Variants in MBD6 observed in about 807,000 individuals in gnomAD.
MBD6 encodes the protein methyl-CpG binding domain protein 6, also known as methyl-CpG-binding domain protein 6.
MBD6 carries 22 observed loss-of-function variants against 66.8 expected under a neutral mutation model. The observed-to-expected ratio is 0.33, with a 90% CI of 0.24 to 0.47. The LOEUF (loss-of-function observed/expected upper bound fraction) is 0.47, where lower values mean the gene tolerates loss of function less well. Among genes scored for constraint, MBD6 ranks in the 20% least tolerant of loss-of-function variants. MBD6 has a pLI of 1.00. For synonymous variants in MBD6, 540 were observed against 534.6 expected, an observed-to-expected ratio of 1.01 and a Z score of -0.14; for missense variants, 1,322 against 1,286.9, an observed-to-expected ratio of 1.03 and a Z score of -0.42.
In MBD6 at chr12:57,527,992, T is replaced by A. The variant is rs1316949768; in HGVS notation, c.2381T>A (p.Leu794Gln). 1 of 1,550,176 alleles carries A rather than the reference T, an allele frequency of 6.5e-7. No individual in the cohort carries two copies. The highest frequency in any genetic ancestry group is 8.7e-7 in the Non-Finnish European group (1 of 1,153,238). ...PPPLSEASSP[L>Q]ACLLQSLQIP... Reference sequence around the variant, plus strand: ...CCCCTCTCAGAGGCTTCTAGTCCCCTAGCCTGCCTGCTACAGAGTCTCCAG... The same window carrying A: ...CCCCTCTCAGAGGCTTCTAGTCCCCAAGCCTGCCTGCTACAGAGTCTCCAG... The change falls in exon 9 of 13, where the codon CTA becomes CAA. Residue 794 changes from leucine to glutamine, a missense_variant. Coordinates refer to ENST00000355673, the MANE Select transcript of MBD6 (RefSeq NM_052897.4).
At position 57,527,637 on chromosome 12, in the gene MBD6, C is replaced by T. The variant is rs763391460; in HGVS notation, c.2213C>T (p.Pro738Leu). 9 of 1,606,112 alleles carry T rather than the reference C, an allele frequency of 5.6e-6. No individual in the cohort carries two copies. In the Admixed American group the frequency reaches 1.2e-4, roughly 21 times the overall value. The change falls in exon 8 of 13, where the codon CCT becomes CTT. Residue 738 changes from proline to leucine, a missense_variant. Transcript: ENST00000355673. ...NSGRPPQLLS[P>L]LLGASLLGDL... ...GGGAGACCCCCCCAACTCCTTAGCCCTCTGCTGGGTGCCAGCCTGCTGGGT... is the reference window on the plus strand; with the variant it reads ...GGGAGACCCCCCCAACTCCTTAGCCTTCTGCTGGGTGCCAGCCTGCTGGGT...
chr12:57,525,971 C>T lies in MBD6; in HGVS notation c.1003C>T (p.Leu335=), dbSNP rs760360202. The T allele has an allele frequency of 2.5e-6, 4 of 1,613,670 alleles. No individual in the cohort carries two copies. Among genetic ancestry groups the T allele is most frequent in the African/African-American group, 1.3e-5 (1 of 74,968 alleles). The part of the protein sequence containing the change: ...SAAAKAQHPP[L]PPPSTLQGRR... The stretch of plus-strand genomic sequence containing the variant: ...AGCGGCCAAGGCACAGCATCCCCCA[C>T]TACCCCCTCCCAGCACTTTACAGGG... The change falls in exon 6 of 13, where the codon CTA becomes TTA. Residue 335 remains leucine (L), a synonymous_variant. Coordinates refer to ENST00000355673, the MANE Select transcript of MBD6 (RefSeq NM_052897.4).
chr12:57,525,022 G>A lies in MBD6; in HGVS notation c.286G>A (p.Asp96Asn). The change falls in exon 5 of 13, where the codon GAC (aspartate) becomes AAC (asparagine). Residue 96 changes from aspartate (D) to asparagine (N), a missense_variant. Transcript: ENST00000355673. Reference protein sequence around the residue: ...GAGVGPASEEDMTKLCNHRRK... With the variant: ...GAGVGPASEENMTKLCNHRRK... ...TGGGGTGGGGCCAGCATCAGAGGAG[G>A]ACATGACCAAGCTGTGCAACCACCG... 1.2e-6 allele frequency: 2 copies of A among 1,613,304 alleles called. No homozygotes were observed. Among genetic ancestry groups the A allele is most frequent in the Non-Finnish European group, 1.7e-6 (2 of 1,179,680 alleles).
chr12:57,524,775 G>T lies in MBD6; in HGVS notation c.169G>T (p.Asp57Tyr), dbSNP rs1207934188. 4.3e-6 allele frequency: 7 copies of T among 1,614,242 alleles called. No homozygotes were observed. Among genetic ancestry groups the T allele is most frequent in the Non-Finnish European group, 5.1e-6 (6 of 1,180,050 alleles). ...GCAAACCCGGAGCTACCTCCTCAGC[G>T]ATGGGACCTGCAAGTGCGGTCTGGA... Reference protein sequence around the residue: ...LEQTRSYLLSDGTCKCGLECP... With the variant: ...LEQTRSYLLSYGTCKCGLECP... Residue 57 changes from aspartate to tyrosine, a missense_variant, in exon 4 of 13, where the codon GAT becomes TAT. By Grantham distance (160) the Asp-to-Tyr change is radical. Transcript: ENST00000355673.
chr12:57,522,503 G>A (rs1203368451), upstream of MBD6, among the ~76,000 whole-genome samples: 1 of 152,054 alleles, frequency 6.6e-6, no homozygotes, highest in African/African-American at 2.4e-5. Flanking sequence ...CCTCCCTGAG[G>A]AGGGCTGGGA....
Position 57,524,283 on chromosome 12 carries a change from C to T in MBD6, c.-21C>T, listed in dbSNP as rs1052843643. ...ACATGGATGTCTGTGTTATCAGGCA[C>T]GCGGGAGCTGATTACACACAATGAA... is the stretch of plus-strand genomic sequence containing the variant. On this transcript the variant is annotated 5_prime_UTR_variant, in exon 3 of 13. In the 5' UTR this introduces an upstream ATG that the reference lacks. Transcript: ENST00000355673. The T allele has an allele frequency of 3.3e-6, 5 of 1,517,896 alleles. No homozygotes were observed. The highest frequency in any genetic ancestry group is 3.5e-6 in the Non-Finnish European group (4 of 1,128,200). 94.0% of individuals were successfully genotyped at this position (1,517,896 alleles called of 1,614,324 possible).
At chr12:57,524,577 C>T in intron 3 of MBD6, 143 bp from the exon 4 acceptor site, 1 of 1,052,200 alleles carries the variant, frequency 9.5e-7, no homozygotes, top group South Asian at 1.3e-5. Context: ...GCCTTTGAAT[C>T]CATTCTCCCT....
chr12:57,530,463 C>T, downstream of MBD6: 3 of 474,206 alleles, frequency 6.3e-6, no homozygotes, highest in Non-Finnish European at 1.1e-5. Context: ...ACGTCCTTAT[C>T]CCCCAGGCCT....
At chr12:57,520,856 G>A (rs1878276915), upstream of MBD6, 1 of 169,292 alleles carries the variant, frequency 5.9e-6, no homozygotes, top group African/African-American at 2.4e-5. Context: ...GCACGCGCAG[G>A]GGACACCGAG....
upstream of MBD6, among the ~76,000 whole-genome samples, chr12:57,522,431 C>G (rs1461621736): frequency 1.3e-5 from 2 of 152,208 alleles, no homozygotes; most frequent in East Asian, 3.9e-4. Context: ...CTTTCGGGGC[C>G]TGGCCCCTCC....
In MBD6 at chr12:57,528,132, T is replaced by C. The variant is rs775679772; in HGVS notation, c.2407-15T>C. ...GTATTTGAGATTGACTGAGAACTTATTTTTTTGCCAGCAGATCCCTCCAGA... is the reference window on the plus strand; with the variant it reads ...GTATTTGAGATTGACTGAGAACTTACTTTTTTGCCAGCAGATCCCTCCAGA... On this transcript the variant is annotated splice_polypyrimidine_tract_variant and intron_variant, in intron 9 of 12. Coordinates refer to ENST00000355673, the MANE Select transcript of MBD6 (RefSeq NM_052897.4). The C allele has an allele frequency of 4.7e-5, 74 of 1,569,480 alleles. 1 individual carries two copies. The highest frequency in any genetic ancestry group is 4.1e-4 in the South Asian group (35 of 84,998).
At chr12:57,530,492 G>C (rs1879564913), downstream of MBD6, 1 of 507,328 alleles carries the variant, frequency 2.0e-6, no homozygotes, top group Non-Finnish European at 3.5e-6. Flanking sequence ...ACCACCTTCT[G>C]ATGATAACCA....
intron 3 of MBD6, 94 bp downstream of exon 3, chr12:57,524,510 G>A (rs947047759): frequency 1.6e-6 from 2 of 1,222,580 alleles, no homozygotes; most frequent in Non-Finnish European, 2.3e-6. Flanking sequence ...TCTGGTACCC[G>A]ATTGCTCTCC....
chr12:57,528,138 T>C lies in MBD6; in HGVS notation c.2407-9T>C, dbSNP rs760628831. 1.9e-6 allele frequency: 3 copies of C among 1,576,398 alleles called. No homozygotes were observed. The Admixed American group carries it at 6.2e-5, about 32-fold the overall frequency. On this transcript the variant is annotated splice_polypyrimidine_tract_variant and intron_variant, in intron 9 of 12. Transcript: ENST00000355673. ...GAGATTGACTGAGAACTTATTTTTT[T>C]GCCAGCAGATCCCTCCAGAGCAGCC...
rs140533071 is a variant in MBD6 at position 57,528,834 on chromosome 12, A to G, written c.2874-112A>G. On this transcript the variant is annotated intron_variant, in intron 11 of 12. Coordinates refer to ENST00000355673, the MANE Select transcript of MBD6 (RefSeq NM_052897.4). ...AAGGGCAGATTCTTATTTGAATATG[A>G]ATAAGGATATTATGCCTTTACTATC... is the stretch of plus-strand genomic sequence containing the variant. The G allele has an allele frequency of 6.3e-5, 101 of 1,597,332 alleles. No individual in the cohort carries two copies. The African/African-American group carries it at 1.3e-3, about 20-fold the overall frequency.
chr12:57,525,459 T>C lies in MBD6; in HGVS notation c.491T>C (p.Leu164Pro). 1 of 1,522,188 alleles carries C rather than the reference T, an allele frequency of 6.6e-7. No homozygotes were observed. Among genetic ancestry groups the C allele is most frequent in the South Asian group, 1.3e-5 (1 of 76,950 alleles). The allele number at this position is 1,522,188 out of a possible 1,614,324, so 94.3% of individuals were successfully genotyped here. Residue 164 changes from leucine to proline, a missense_variant, in exon 6 of 13, where the codon CTT becomes CCT. Transcript: ENST00000355673. ...CCACTTAATGGGGGTCCTGGCTCCC[T>C]TCCCCCAGAACCACCCTCAGTTTCC... ...TTPLNGGPGS[L>P]PPEPPSVSQA...
upstream of MBD6, among the ~76,000 whole-genome samples, chr12:57,522,440 C>A (rs1178722255): frequency 6.6e-6 from 1 of 152,144 alleles, no homozygotes; most frequent in Non-Finnish European, 1.5e-5. Context: ...CCTGGCCCCT[C>A]CCGGACCTGG....
At position 57,524,425 on chromosome 12, in the gene MBD6, C is replaced by T. The variant is rs1225795582; in HGVS notation, c.113+9C>T. On this transcript the variant is annotated intron_variant, in intron 3 of 12. Coordinates refer to ENST00000355673, the MANE Select transcript of MBD6 (RefSeq NM_052897.4). ...GCTGTGCTCTACATCAGGTACGGAT[C>T]TTCACAGGTCCCCAAGCTCTGCCAC... The T allele has an allele frequency of 6.4e-7, 1 of 1,562,266 alleles. No individual in the cohort carries two copies. The highest frequency in any genetic ancestry group is 8.7e-7 in the Non-Finnish European group (1 of 1,156,038).
chr12:57,528,211 C>T lies in MBD6; in HGVS notation c.2471C>T (p.Pro824Leu). 2 of 1,611,354 alleles carry T rather than the reference C, an allele frequency of 1.2e-6. No homozygotes were observed. Among genetic ancestry groups the T allele is most frequent in the South Asian group, 1.1e-5 (1 of 90,816 alleles). The change falls in exon 10 of 13, where the codon CCA becomes CTA. Residue 824 changes from proline (P) to leucine (L), a missense_variant. Physicochemically the swap from Pro to Leu is moderately conservative, Grantham distance 98. Coordinates refer to ENST00000355673, the MANE Select transcript of MBD6 (RefSeq NM_052897.4). ...GAGAGCCCTGCCTCAGCCCTCGAAC[C>T]AGAGCCTGCCAGGCCTCCCCTCAGT... Reference protein sequence around the residue: ...PPESPASALEPEPARPPLSAL... With the variant: ...PPESPASALELEPARPPLSAL...
Sources: allele counts gnomAD v4.1 joint callset (sites outside exome capture counted in the v4.1 genomes callset), GRCh38; gene constraint gnomAD v4.1.1; transcripts MANE v1.5; gene names NCBI Gene and HGNC (gene_info 2026-07-23, HGNC 2026-07-21).